LRP1B: variants seen among roughly 807,000 people sequenced by gnomAD.
LRP1B encodes the protein low-density lipoprotein receptor-related protein 1B.
Under a neutral mutation model 556.6 loss-of-function variants are expected in LRP1B, and 217 were observed. That is an observed-to-expected ratio of 0.39 (90% CI 0.35 to 0.44). The LOEUF is 0.44. Ranked by LOEUF, LRP1B falls within the 20% of genes least tolerant of loss-of-function variation. The pLI, the probability that LRP1B is intolerant of heterozygous loss-of-function variation, is 1.00. For missense variants in LRP1B, 5,053 were observed against 5,620.8 expected, an observed-to-expected ratio of 0.90 and a Z score of 3.23; for synonymous variants, 2,047 against 1,865.8, an observed-to-expected ratio of 1.10 and a Z score of -2.50.
chr2:141,045,425 A>C (rs1411574722), intron 11 of LRP1B, among the ~76,000 whole-genome samples: 1 of 119,896 alleles, frequency 8.3e-6, no homozygotes, highest in East Asian at 2.4e-4. Context: ...TGTAATAATA[A>C]AAATAAATAA....
At chr2:141,072,361 A>G (rs535384176) in intron 7 of LRP1B, among the ~76,000 whole-genome samples, 1 of 152,176 alleles carries the variant, frequency 6.6e-6, no homozygotes, top group East Asian at 1.9e-4. Flanking sequence ...ACCACTCTAA[A>G]TCAAGGAAGT....
chr2:141,514,231 G>A (rs941221652), intron 2 of LRP1B, among the ~76,000 whole-genome samples: 1 of 152,146 alleles, frequency 6.6e-6, no homozygotes, highest in African/African-American at 2.4e-5. Context: ...GCTGGAGCCT[G>A]CTTGCTCTAA....
At position 141,170,961 on chromosome 2, in the gene LRP1B, C is replaced by T. The variant is rs139030322; in HGVS notation, c.1013+17460G>A. Among the ~76,000 whole-genome samples, 501 of 152,138 alleles carry T rather than the reference C, an allele frequency of 3.3e-3. 7 individuals are homozygous for T. The highest frequency in any genetic ancestry group is 0.011 in the African/African-American group (474 of 41,520). On this transcript the variant is annotated intron_variant, in intron 7 of 90. Coordinates refer to ENST00000389484, the MANE Select transcript of LRP1B (RefSeq NM_018557.3). ...TTCCTGATTGATCCACAATTATAGT[C>T]GTGTGCTCCCTCAGTTTCTTTTTTC...
chr2:141,799,904 T>G (rs2105685012), intron 2 of LRP1B, among the ~76,000 whole-genome samples: 1 of 152,104 alleles, frequency 6.6e-6, no homozygotes, highest in African/African-American at 2.4e-5. Context: ...ACACACAAAC[T>G]TCATGTGCAT....
chr2:142,066,431 C>T (rs550611392), intron 1 of LRP1B, among the ~76,000 whole-genome samples: 11 of 151,534 alleles, frequency 7.3e-5, no homozygotes, highest in Non-Finnish European at 4.4e-5. Flanking sequence ...CTGCTCTCCT[C>T]ATAATTGCAG....
chr2:140,413,770 T>C (rs1255787073), intron 66 of LRP1B, among the ~76,000 whole-genome samples: 1 of 152,164 alleles, frequency 6.6e-6, no homozygotes, highest in Non-Finnish European at 1.5e-5. Flanking sequence ...CATAATTAAG[T>C]TGGTCCTTTT....
chr2:140,836,960 T>A (rs1046569849), intron 31 of LRP1B, among the ~76,000 whole-genome samples: 1 of 152,164 alleles, frequency 6.6e-6, no homozygotes, highest in South Asian at 2.1e-4. Context: ...TATAAACATT[T>A]GGTCATTTCA....
intron 1 of LRP1B, among the ~76,000 whole-genome samples, chr2:142,024,657 C>A (rs983154690): frequency 8.6e-6 from 1 of 115,950 alleles, no homozygotes; most frequent in African/African-American, 3.2e-5. Flanking sequence ...TGCTTTCATG[C>A]TACAGAATTT....
At chr2:141,337,758 T>C in intron 3 of LRP1B, among the ~76,000 whole-genome samples, 1 of 152,202 alleles carries the variant, frequency 6.6e-6, no homozygotes, top group South Asian at 2.1e-4. Context: ...TTTTATCTTC[T>C]AATTATGTGG....
intron 66 of LRP1B, among the ~76,000 whole-genome samples, chr2:140,396,119 A>G (rs1487162387): frequency 1.3e-5 from 2 of 152,188 alleles, no homozygotes; most frequent in Non-Finnish European, 2.9e-5. Context: ...CATAACAGAA[A>G]TCTCGATAAC....
intron 32 of LRP1B, among the ~76,000 whole-genome samples, chr2:140,811,156 T>A (rs995054346): frequency 6.6e-6 from 1 of 152,206 alleles, no homozygotes; most frequent in African/African-American, 2.4e-5. Context: ...TAAGAGAATT[T>A]TAATTTCTGC....
chr2:140,629,109 A>G (rs1162627710), intron 41 of LRP1B, among the ~76,000 whole-genome samples: 1 of 152,096 alleles, frequency 6.6e-6, no homozygotes, highest in African/African-American at 2.4e-5. Context: ...GCTGGAGTGC[A>G]GTGGCGCCAT....
intron 43 of LRP1B, among the ~76,000 whole-genome samples, chr2:140,580,026 C>T (rs568316095): frequency 6.6e-6 from 1 of 152,206 alleles, no homozygotes; most frequent in East Asian, 1.9e-4. Flanking sequence ...ACTAACCCAC[C>T]ACCCACTTGG....
chr2:140,698,060 G>A (rs908162212), intron 41 of LRP1B, among the ~76,000 whole-genome samples: 3 of 151,426 alleles, frequency 2.0e-5, no homozygotes, highest in African/African-American at 7.3e-5. Flanking sequence ...TAAATAAAAT[G>A]GTTTTTTTTT....
At chr2:141,544,375 TCTTCTTCTC>T (rs1574065023) in intron 2 of LRP1B, among the ~76,000 whole-genome samples, 6 of 115,326 alleles carry the variant, frequency 5.2e-5, no homozygotes, top group African/African-American at 1.5e-4. Flanking sequence ...TTCTTCTTCT[TCTTCTTCTC>T]CTCCTCCTCC....
chr2:140,276,314 G>A (rs1034998065), intron 84 of LRP1B, among the ~76,000 whole-genome samples: 19 of 151,890 alleles, frequency 1.3e-4, no homozygotes, highest in African/African-American at 3.6e-4. Flanking sequence ...GCATTCCCAT[G>A]CTTGCTGTTG....
At chr2:140,755,104 A>T (rs1269972568) in intron 35 of LRP1B, among the ~76,000 whole-genome samples, 1 of 152,088 alleles carries the variant, frequency 6.6e-6, no homozygotes, top group Non-Finnish European at 1.5e-5. Context: ...CAAAAGACAC[A>T]GACTATCAAA....
chr2:141,189,572 G>T (rs1681407217), intron 6 of LRP1B, among the ~76,000 whole-genome samples: 1 of 151,976 alleles, frequency 6.6e-6, no homozygotes, highest in African/African-American at 2.4e-5. Flanking sequence ...CTACTGGGTT[G>T]CAATCCTCAA....
intron 3 of LRP1B, among the ~76,000 whole-genome samples, chr2:141,353,726 A>G (rs1688526050): frequency 6.6e-6 from 1 of 151,922 alleles, no homozygotes; most frequent in Admixed American, 6.6e-5. Context: ...ATTAATTGTG[A>G]CTTTTGGTGT....
Sources: allele counts gnomAD v4.1 joint callset (sites outside exome capture counted in the v4.1 genomes callset), GRCh38; gene constraint gnomAD v4.1.1; transcripts MANE v1.5; gene names NCBI Gene and HGNC (gene_info 2026-07-23, HGNC 2026-07-21).